The following MAD1L1 variants were observed in gnomAD, a reference collection of about 807,000 sequenced individuals.
MAD1L1 encodes the protein mitotic arrest deficient 1 like 1.
A neutral mutation model predicts 96.9 loss-of-function variants in MAD1L1; 95 were observed. That is an observed-to-expected ratio of 0.98 (90% confidence interval 0.83 to 1.16). The LOEUF (loss-of-function observed/expected upper bound fraction) is 1.16, where lower values mean the gene tolerates loss of function less well. MAD1L1 is among the 50% of genes most tolerant of loss of function. The pLI, the probability that MAD1L1 is intolerant of heterozygous loss-of-function variation, is 0.00. For synonymous variants in MAD1L1, 473 were observed against 396.6 expected (o/e 1.19, Z -2.29); for missense variants, 1,007 against 954.4 (o/e 1.06, Z -0.73).
chr7:2,151,415 G>A lies in MAD1L1; in HGVS notation c.987-2177C>T, dbSNP rs559958056. ...CCCCTCAGGGACCTCACATGTCACTGGACCTGAAACAGCAGGAGGCCAGTG... is the reference window on the plus strand; with the variant it reads ...CCCCTCAGGGACCTCACATGTCACTAGACCTGAAACAGCAGGAGGCCAGTG... On this transcript the variant is annotated intron_variant, in intron 10 of 18. Transcript: ENST00000265854. Among the ~76,000 whole-genome samples the A allele has an allele frequency of 2.6e-5, 4 of 152,330 alleles. No individual in the cohort carries two copies. The East Asian group carries it at 7.7e-4, about 29-fold the overall frequency.
At chr7:1,879,456 CAA>C (rs58872674) in intron 18 of MAD1L1, among the ~76,000 whole-genome samples, 20,901 of 129,844 alleles carry the variant, frequency 0.16, 4,077 homozygotes, top group African/African-American at 0.47. Context: ...ACTTCATCTC[CAA>C]AAAAAAAAAA....
At chr7:1,982,631 T>TCA (rs1268323116) in intron 14 of MAD1L1, among the ~76,000 whole-genome samples, 1 of 152,258 alleles carries the variant, frequency 6.6e-6, no homozygotes, top group Non-Finnish European at 1.5e-5. Flanking sequence ...CATAATCTTA[T>TCA]CAGCAGCAAA....
At chr7:1,885,353 G>T (rs1785945945) in intron 18 of MAD1L1, among the ~76,000 whole-genome samples, 1 of 152,168 alleles carries the variant, frequency 6.6e-6, no homozygotes, top group Non-Finnish European at 1.5e-5. Flanking sequence ...CAAAAACCCT[G>T]TGTCCCAGCT....
intron 10 of MAD1L1, among the ~76,000 whole-genome samples, chr7:2,187,157 G>T (rs983911943): frequency 6.6e-6 from 1 of 151,836 alleles, no homozygotes. Flanking sequence ...AGACCAGCCT[G>T]GCCAACATGA....
intron 16 of MAD1L1, among the ~76,000 whole-genome samples, chr7:1,951,851 G>C (rs115166295): frequency 6.6e-6 from 1 of 152,150 alleles, no homozygotes. Flanking sequence ...GTCCACAGAC[G>C]CTGGGGTGCG....
At chr7:1,934,020 C>T (rs1392346609) in intron 17 of MAD1L1, among the ~76,000 whole-genome samples, 1 of 152,262 alleles carries the variant, frequency 6.6e-6, no homozygotes, top group East Asian at 1.9e-4. Context: ...AAAAGTCTGC[C>T]TCTGTATCCT....
At chr7:2,122,768 C>T (rs533994076) in intron 11 of MAD1L1, among the ~76,000 whole-genome samples, 104 of 152,312 alleles carry the variant, frequency 6.8e-4, no homozygotes, top group African/African-American at 2.3e-3. Context: ...TGCAGGTGCA[C>T]GGGTGAAGGG....
chr7:2,009,990 G>C (rs975164954), intron 13 of MAD1L1, among the ~76,000 whole-genome samples: 5 of 151,804 alleles, frequency 3.3e-5, no homozygotes, highest in East Asian at 1.9e-4. Flanking sequence ...CCACACAGCA[G>C]AGGCTCCCAC....
chr7:1,886,400 T>C lies in MAD1L1; in HGVS notation c.1998+11800A>G, dbSNP rs1489647963. Reference sequence around the variant, plus strand: ...CGTTGGCAGCAAAGCGGATGCTTCATCTGAGAGTGATAAATCCTGTGCAAA... The same window carrying C: ...CGTTGGCAGCAAAGCGGATGCTTCACCTGAGAGTGATAAATCCTGTGCAAA... On this transcript the variant is annotated intron_variant, in intron 18 of 18. Transcript: ENST00000265854. Among the ~76,000 whole-genome samples, 5 of 152,222 alleles carry C rather than the reference T, an allele frequency of 3.3e-5. No homozygotes were observed. The East Asian group carries it at 5.8e-4, about 18-fold the overall frequency.
At position 2,146,235 on chromosome 7, in the gene MAD1L1, C is replaced by T. The variant is rs1050443483; in HGVS notation, c.1073+2917G>A. On this transcript the variant is annotated intron_variant, in intron 11 of 18. Transcript: ENST00000265854. The surrounding 1 kb of genome is among the most constrained non-coding windows in gnomAD (Gnocchi z 6.2). ...CCCAGCGGCACCGTCACAGCAGCAC[C>T]GCCTGGAAGAGGGAGCACCGGGCAC... 1.3e-5 allele frequency among the ~76,000 whole-genome samples: 2 copies of T among 152,198 alleles called. No individual in the cohort carries two copies. Among genetic ancestry groups the T allele is most frequent in the Non-Finnish European group, 2.9e-5 (2 of 68,036 alleles).
At chr7:2,087,637 C>T (rs1408038792) in intron 11 of MAD1L1, among the ~76,000 whole-genome samples, 1 of 152,224 alleles carries the variant, frequency 6.6e-6, no homozygotes, top group African/African-American at 2.4e-5. Flanking sequence ...GTCTGCACAG[C>T]TCCACTGACC....
At chr7:1,847,988 C>T (rs1037326626) in intron 18 of MAD1L1, 4 of 348,538 alleles carry the variant, frequency 1.1e-5, no homozygotes, top group African/African-American at 6.4e-5. Flanking sequence ...CCTGACCACA[C>T]TGGTTTTCAA....
chr7:1,873,807 G>C (rs1312714200), intron 18 of MAD1L1, among the ~76,000 whole-genome samples: 1 of 152,200 alleles, frequency 6.6e-6, no homozygotes, highest in Non-Finnish European at 1.5e-5. Context: ...TGTGTTTGGG[G>C]AGCAGGCAGG....
chr7:1,845,883 G>C (rs1054766854), intron 18 of MAD1L1: 6 of 152,656 alleles, frequency 3.9e-5, no homozygotes, highest in African/African-American at 1.4e-4. Context: ...CCAAGCCCCA[G>C]GAAAGGCCTC....
At chr7:2,067,254 C>T (rs1411795430) in intron 12 of MAD1L1, among the ~76,000 whole-genome samples, 3 of 151,776 alleles carry the variant, frequency 2.0e-5, no homozygotes, top group East Asian at 1.9e-4. Flanking sequence ...AGGCCACGTT[C>T]GCAGGCACCC....
At chr7:2,153,499 A>C (rs1789679790) in intron 10 of MAD1L1, among the ~76,000 whole-genome samples, 1 of 152,196 alleles carries the variant, frequency 6.6e-6, no homozygotes, top group Non-Finnish European at 1.5e-5. Flanking sequence ...ATGAGATACC[A>C]CCTTACCTCA....
chr7:2,036,668 G>C (rs1783449840), intron 12 of MAD1L1, among the ~76,000 whole-genome samples: 2 of 152,144 alleles, frequency 1.3e-5, no homozygotes, highest in South Asian at 4.1e-4. Flanking sequence ...ACAAAAGGAA[G>C]AGCTTACCCC....
At position 2,142,055 on chromosome 7, in the gene MAD1L1, C is replaced by T. The variant is rs1040773973; in HGVS notation, c.1073+7097G>A. Among the ~76,000 whole-genome samples, 5 of 152,222 alleles carry T rather than the reference C, an allele frequency of 3.3e-5. No individual in the cohort carries two copies. Among genetic ancestry groups the T allele is most frequent in the Admixed American group, 6.5e-5 (1 of 15,284 alleles). ...GCAGCGCACTCTGGGGCACCTGACTCACTGAGGGGTCCATGTTCAAGTGCA... is the reference window on the plus strand; with the variant it reads ...GCAGCGCACTCTGGGGCACCTGACTTACTGAGGGGTCCATGTTCAAGTGCA... On this transcript the variant is annotated intron_variant, in intron 11 of 18. Coordinates refer to ENST00000265854, the MANE Select transcript of MAD1L1 (RefSeq NM_001013836.2). This position sits in a 1 kb window ranked among gnomAD's most constrained non-coding sequence, Gnocchi z 4.7.
At chr7:2,029,618 G>A (rs1328779217) in intron 12 of MAD1L1, among the ~76,000 whole-genome samples, 1 of 152,104 alleles carries the variant, frequency 6.6e-6, no homozygotes, top group African/African-American at 2.4e-5. Flanking sequence ...GAGCTTGGCT[G>A]TGGTTGTAAG....
Sources: gnomAD v4.1 joint callset for allele counts (sites outside exome capture counted in the v4.1 genomes callset) on GRCh38, gnomAD v4.1.1 for gene constraint, Gnocchi (gnomAD v3.1) non-coding constraint, MANE v1.5 for transcripts, NCBI Gene and HGNC (gene_info 2026-07-23, HGNC 2026-07-21) for gene names.